WDR1: variants seen among roughly 807,000 people sequenced by gnomAD.
WDR1 encodes the protein WD repeat domain 1, also known as WD repeat-containing protein 1.
Under a neutral mutation model 71.9 loss-of-function variants are expected in WDR1, and 21 were observed. The ratio of observed to expected loss-of-function variants is 0.29; its 90% confidence interval spans 0.21 to 0.42. The LOEUF (loss-of-function observed/expected upper bound fraction) is 0.42. Among genes scored for constraint, WDR1 ranks in the 10% least tolerant of loss-of-function variants. WDR1 has a pLI of 1.00. For synonymous variants in WDR1, 424 were observed against 347.4 expected (o/e 1.22, Z -2.45); for missense variants, 696 against 824.5 (o/e 0.84, Z 1.91).
chr4:10,075,644 G>A (rs998270989), intron 14 of WDR1, 160 bp from the exon 15 acceptor site: 1 of 676,284 alleles, frequency 1.5e-6, no homozygotes, highest in Non-Finnish European at 2.6e-6. Context: ...GTGGCAGTGT[G>A]GCTGAATTCT....
intron 6 of WDR1, 128 bp downstream of exon 6, chr4:10,088,536 C>A (rs1432714743): frequency 9.0e-7 from 1 of 1,113,216 alleles, no homozygotes; most frequent in African/African-American, 1.6e-5. Flanking sequence ...GACGAGTCTG[C>A]AGATGTGGGG....
intron 5 of WDR1, among the ~76,000 whole-genome samples, chr4:10,094,104 G>A (rs1369228152): frequency 6.6e-6 from 1 of 152,218 alleles, no homozygotes; most frequent in Non-Finnish European, 1.5e-5. Flanking sequence ...AGTCTTCCGT[G>A]CTGAACATTT....
intron 2 of WDR1, among the ~76,000 whole-genome samples, chr4:10,114,263 G>T (rs1577082658): frequency 1.3e-5 from 2 of 152,320 alleles, no homozygotes; most frequent in Middle Eastern, 3.4e-3. Flanking sequence ...GCAAACCACG[G>T]GGAAGGGGTA....
chr4:10,093,028 T>A, intron 5 of WDR1: 1 of 1,279,262 alleles, frequency 7.8e-7, no homozygotes, highest in Non-Finnish European at 1.0e-6. Flanking sequence ...CTCCCACCAA[T>A]ATGCTCCCTC....
chr4:10,083,323 T>G, intron 9 of WDR1, 145 bp from the exon 10 acceptor site: 1 of 1,019,446 alleles, frequency 9.8e-7, no homozygotes, highest in Non-Finnish European at 1.4e-6. Flanking sequence ...AAGCCTGCAG[T>G]GTCCACTGTT....
chr4:10,090,022 G>T (rs1405334487), intron 5 of WDR1, among the ~76,000 whole-genome samples: 1 of 152,190 alleles, frequency 6.6e-6, no homozygotes, highest in South Asian at 2.1e-4. Flanking sequence ...TCTGGACACA[G>T]ATACAGAGTT....
intron 5 of WDR1, among the ~76,000 whole-genome samples, chr4:10,097,354 G>C (rs959472863): frequency 2.6e-5 from 4 of 152,272 alleles, no homozygotes; most frequent in African/African-American, 9.6e-5. Flanking sequence ...CCACTTTGGT[G>C]GCTCAGCTAA....
chr4:10,078,186 C>T (rs1411254986), intron 12 of WDR1, among the ~76,000 whole-genome samples: 3 of 152,202 alleles, frequency 2.0e-5, no homozygotes, highest in African/African-American at 4.8e-5. Context: ...GGAAGCCACT[C>T]CATGCCCTGG....
chr4:10,088,413 A>G (rs1350912077), intron 6 of WDR1, 40 bp from the exon 7 acceptor site: 1 of 1,534,772 alleles, frequency 6.5e-7, no homozygotes, highest in Non-Finnish European at 8.8e-7. Context: ...GTGTGTGTGA[A>G]CACCCTCTGG....
chr4:10,083,734 C>T (rs1765103837), intron 9 of WDR1: 2 of 456,040 alleles, frequency 4.4e-6, no homozygotes, highest in African/African-American at 2.0e-5. Context: ...AGGCACTCTG[C>T]AGATGGTGGC....
chr4:10,099,174 C>CAGGGGGGGGGGGGGGGGGGGGGGGGG, intron 3 of WDR1, 35 bp from the exon 4 acceptor site: 1 of 109,374 alleles, frequency 9.1e-6, no homozygotes, highest in East Asian at 1.7e-4. Context: ...GGGGGGGAGG[C>CAGGGGGGGGGGGGGGGGGGGGGGGGG]GGTGGTGGGG....
At chr4:10,078,020 G>C in intron 12 of WDR1, 94 bp from the exon 13 acceptor site, 1 of 1,404,938 alleles carries the variant, frequency 7.1e-7, no homozygotes, top group Non-Finnish European at 9.5e-7. Context: ...AAGAAACTGT[G>C]CCGTTCCCAC....
In WDR1 at chr4:10,081,493, G is replaced by A. The variant is rs1281128680; in HGVS notation, c.1197-49C>T. 6 of 1,559,830 alleles carry A rather than the reference G, an allele frequency of 3.8e-6. No individual in the cohort carries two copies. In the African/African-American group the frequency reaches 8.1e-5, roughly 21 times the overall value. ...TTACTTCGACAATGCAGCAGCTCAG[G>A]GTAGGTATGCATACATATTTACTGT... is the stretch of plus-strand genomic sequence containing the variant. On this transcript the variant is annotated intron_variant, in intron 10 of 14. Coordinates refer to ENST00000499869, the MANE Select transcript of WDR1 (RefSeq NM_017491.5).
Position 10,102,240 on chromosome 4 carries a change from G to A in WDR1, c.229+1656C>T, listed in dbSNP as rs140955312. ...TTCACACCCTAAGAGGCAGGCACTA[G>A]CAGCCCCAGTTTGGAAGAGAAAATT... On this transcript the variant is annotated intron_variant, in intron 3 of 14. Coordinates refer to ENST00000499869, the MANE Select transcript of WDR1 (RefSeq NM_017491.5). 1.6e-3 allele frequency among the ~76,000 whole-genome samples: 245 copies of A among 152,360 alleles called. 1 individual carries two copies. Among genetic ancestry groups the A allele is most frequent in the African/African-American group, 5.4e-3 (224 of 41,588 alleles).
intron 5 of WDR1, among the ~76,000 whole-genome samples, chr4:10,090,359 C>T (rs1711889290): frequency 6.6e-6 from 1 of 152,124 alleles, no homozygotes; most frequent in African/African-American, 2.4e-5. Context: ...GCCTGGGGGT[C>T]CCAAGGGCCA....
At chr4:10,113,008 G>GA (rs1325635777) in intron 2 of WDR1, among the ~76,000 whole-genome samples, 2 of 152,174 alleles carry the variant, frequency 1.3e-5, no homozygotes, top group Non-Finnish European at 2.9e-5. Context: ...GCCGGGGATG[G>GA]AAAATTCTAT....
chr4:10,084,889 T>C (rs1190652821), intron 8 of WDR1, among the ~76,000 whole-genome samples: 1 of 152,142 alleles, frequency 6.6e-6, no homozygotes. Flanking sequence ...CCAGCACCCG[T>C]CGCGGGGAGC....
intron 8 of WDR1, among the ~76,000 whole-genome samples, chr4:10,086,465 A>G (rs148580151): frequency 1.1e-3 from 160 of 152,290 alleles, no homozygotes; most frequent in African/African-American, 3.6e-3. Flanking sequence ...GGAGTCACAC[A>G]CACAACGTTA....
rs1335565954 is a variant in WDR1, at chr4:10,116,757, G to T, written c.-91C>A. 1.6e-6 allele frequency: 2 copies of T among 1,237,076 alleles called. No homozygotes were observed. The highest frequency in any genetic ancestry group is 2.0e-6 in the Non-Finnish European group (2 of 984,744). 76.6% of individuals were successfully genotyped at this position (1,237,076 alleles called of 1,614,324 possible). ...ACACCTCGCCGAGGCCGAGCCCGGG[G>T]ACTGGAGCCGGAAGGCGGCACCGGG... On this transcript the variant is annotated 5_prime_UTR_variant, in exon 1 of 15. Transcript: ENST00000499869.
Sources: allele counts gnomAD v4.1 joint callset (sites outside exome capture counted in the v4.1 genomes callset), GRCh38; gene constraint gnomAD v4.1.1; transcripts MANE v1.5; gene names NCBI Gene and HGNC (gene_info 2026-07-23, HGNC 2026-07-21).